PLXNA1: variants seen among roughly 807,000 people sequenced by gnomAD.
The protein encoded by PLXNA1 is plexin-A1.
In PLXNA1, 77 loss-of-function variants were observed where a neutral mutation model predicts 191.7. The observed-to-expected ratio is 0.40, with a 90% CI of 0.33 to 0.49. The LOEUF is 0.49. PLXNA1 is among the 20% of genes least tolerant of loss of function. The pLI is 0.63. For missense variants in PLXNA1, 2,110 were observed against 2,660.2 expected (o/e 0.79, Z 4.55); for synonymous variants, 1,137 against 1,156.4 (o/e 0.98, Z 0.34).
In PLXNA1 at chr3:127,014,509, G is replaced by T; in HGVS notation, c.2636G>T (p.Gly879Val). 6.2e-7 allele frequency: 1 copy of T among 1,606,838 alleles called. No individual in the cohort carries two copies. Among genetic ancestry groups the T allele is most frequent in the Non-Finnish European group, 8.5e-7 (1 of 1,179,756 alleles). The change falls in exon 13 of 32, where the codon GGC becomes GTC. Residue 879 changes from glycine (G) to valine (V), a missense_variant. Physicochemically the swap from Gly to Val is moderately radical, Grantham distance 109 (BLOSUM62 -3). Coordinates refer to ENST00000393409, the MANE Select transcript of PLXNA1 (RefSeq NM_032242.4). Reference sequence around the variant, plus strand: ...CCCGAGACGGGCCCGAGGCAGGGCGGCACGCGGCTCACTATCACAGGCGAG... The same window carrying T: ...CCCGAGACGGGCCCGAGGCAGGGCGTCACGCGGCTCACTATCACAGGCGAG... ...LSPETGPRQGGTRLTITGENL... is the reference protein window; with the variant it reads ...LSPETGPRQGVTRLTITGENL...
At chr3:127,009,505 G>A (rs191749295) in intron 9 of PLXNA1, among the ~76,000 whole-genome samples, 3,962 of 151,978 alleles carry the variant, frequency 0.026, 80 homozygotes, top group Middle Eastern at 0.041. Flanking sequence ...CCTAAGGGGT[G>A]TGACGTGAGT....
Position 127,001,275 on chromosome 3 carries a change from G to A in PLXNA1, c.1378-2055G>A, listed in dbSNP as rs114026533. Among the ~76,000 whole-genome samples, 120 of 152,336 alleles carry A rather than the reference G, an allele frequency of 7.9e-4. 1 individual carries two copies. Among genetic ancestry groups the A allele is most frequent in the African/African-American group, 2.7e-3 (114 of 41,582 alleles). On this transcript the variant is annotated intron_variant, in intron 3 of 31. Transcript: ENST00000393409. Reference sequence around the variant, plus strand: ...ACATTTGTGCCCCCAACCCTGAGTGGGTGGATGCCTTGCAGGCCGGGCCAG... The same window carrying A: ...ACATTTGTGCCCCCAACCCTGAGTGAGTGGATGCCTTGCAGGCCGGGCCAG...
At chr3:127,013,907 G>A in intron 10 of PLXNA1, 113 bp from the exon 11 acceptor site, 2 of 883,866 alleles carry the variant, frequency 2.3e-6, no homozygotes, top group South Asian at 2.7e-5. Flanking sequence ...GGGAGCGGTT[G>A]TGGCTGCAGA....
rs1480345383 is a variant in PLXNA1, at chr3:126,988,718, G to A, written c.125G>A (p.Arg42His). ...GGCGGGGGTTCACAGCCCCCCTTCC[G>A]CACCTTCTCGGCCAGCGACTGGGGC... ...RAGGGSQPPFRTFSASDWGLT... is the reference protein window; with the variant it reads ...RAGGGSQPPFHTFSASDWGLT... The change falls in exon 2 of 32, where the codon CGC becomes CAC. Residue 42 changes from arginine to histidine, a missense_variant. Physicochemically the swap from Arg to His is conservative, Grantham distance 29. Around this residue, in one of 4 missense-constraint regions of PLXNA1, gnomAD observed 903 missense variants for 1,015.7 expected, o/e 0.89. Coordinates refer to ENST00000393409, the MANE Select transcript of PLXNA1 (RefSeq NM_032242.4). 5.7e-6 allele frequency: 9 copies of A among 1,576,742 alleles called. No homozygotes were observed. Among genetic ancestry groups the A allele is most frequent in the South Asian group, 1.2e-5 (1 of 84,164 alleles).
intron 1 of PLXNA1, among the ~76,000 whole-genome samples, chr3:126,983,678 C>T (rs1391814811): frequency 2.6e-5 from 4 of 151,044 alleles, no homozygotes; most frequent in African/African-American, 9.7e-5. Flanking sequence ...GGGCGCTGCC[C>T]CTCCACGGAG....
intron 23 of PLXNA1, chr3:127,027,436 TG>T: frequency 2.8e-6 from 1 of 358,868 alleles, no homozygotes; most frequent in South Asian, 2.1e-5. Flanking sequence ...GGGGCCCAGC[TG>T]GGTGGTCCCT....
At position 127,036,062 on chromosome 3, in the gene PLXNA1, T is replaced by G. The variant is rs1257750714; in HGVS notation, c.*2045T>G. Reference sequence around the variant, plus strand: ...GTCCATATTACAGTGGCTGGGCTGTTTTTTTCAGTAGCCCCTAGCATTGGC... The same window carrying G: ...GTCCATATTACAGTGGCTGGGCTGTGTTTTTCAGTAGCCCCTAGCATTGGC... On this transcript the variant is annotated 3_prime_UTR_variant, in exon 32 of 32. Transcript: ENST00000393409. The G allele has an allele frequency of 6.5e-6, 1 of 152,680 alleles. No homozygotes were observed. The highest frequency in any genetic ancestry group is 2.4e-5 in the African/African-American group (1 of 41,436). 9.5% of individuals were successfully genotyped at this position (152,680 alleles called of 1,614,324 possible).
At chr3:127,033,411 G>C (rs2079222709) in intron 31 of PLXNA1, among the ~76,000 whole-genome samples, 1 of 152,224 alleles carries the variant, frequency 6.6e-6, no homozygotes, top group Non-Finnish European at 1.5e-5. Flanking sequence ...CCACCCTGGG[G>C]AGGCCAGGGC....
chr3:126,994,174 C>G (rs1247960746), intron 3 of PLXNA1, among the ~76,000 whole-genome samples: 2 of 152,122 alleles, frequency 1.3e-5, no homozygotes, highest in Non-Finnish European at 2.9e-5. Context: ...GCTGGCTCTT[C>G]CCTCCCTTTC....
At chr3:127,002,980 C>A (rs1002786592) in intron 3 of PLXNA1, among the ~76,000 whole-genome samples, 6 of 152,190 alleles carry the variant, frequency 3.9e-5, no homozygotes, top group Admixed American at 2.0e-4. Flanking sequence ...GCTAGGCACC[C>A]GTGGGACTCC....
intron 1 of PLXNA1, among the ~76,000 whole-genome samples, chr3:126,985,418 C>T (rs1296272338): frequency 6.6e-6 from 1 of 152,114 alleles, no homozygotes; most frequent in African/African-American, 2.4e-5. Context: ...CTGGCCATGC[C>T]GGAGAGCCAC....
chr3:126,991,590 G>A (rs1421289130), intron 3 of PLXNA1, 24 bp downstream of exon 3: 16 of 1,540,108 alleles, frequency 1.0e-5, no homozygotes, highest in Admixed American at 1.8e-5. Context: ...GGGGTGGGGT[G>A]AGGAGGGGGC....
chr3:126,995,992 G>GC (rs1388997958), intron 3 of PLXNA1, among the ~76,000 whole-genome samples: 2 of 152,154 alleles, frequency 1.3e-5, no homozygotes, highest in Non-Finnish European at 2.9e-5. Context: ...GGCCTGGCTG[G>GC]CCCCTGTCCC....
At chr3:127,013,018 A>T (rs1379981685) in intron 10 of PLXNA1, among the ~76,000 whole-genome samples, 1 of 152,168 alleles carries the variant, frequency 6.6e-6, no homozygotes, top group Non-Finnish European at 1.5e-5. Flanking sequence ...GAGGGCCTTG[A>T]TGGGGTCAGA....
intron 1 of PLXNA1, among the ~76,000 whole-genome samples, chr3:126,986,576 C>T (rs570806170): frequency 9.2e-5 from 14 of 152,202 alleles, no homozygotes; most frequent in East Asian, 5.8e-4. Context: ...CGCTCACTCA[C>T]GGGGATTTAT....
intron 25 of PLXNA1, chr3:127,028,757 C>A (rs1308396334): frequency 5.2e-6 from 3 of 572,446 alleles, no homozygotes; most frequent in Non-Finnish European, 9.3e-6. Context: ...GGCCCTAAGG[C>A]TTGCGGAAGG....
At chr3:127,028,814 G>C (rs781004707) in intron 25 of PLXNA1, 179 bp from the exon 26 acceptor site, 2 of 599,300 alleles carry the variant, frequency 3.3e-6, no homozygotes, top group Admixed American at 3.0e-5. Flanking sequence ...GATTGGGAGG[G>C]CTGTGGCACA....
In PLXNA1 at chr3:127,017,006, G is replaced by A; in HGVS notation, c.3245G>A (p.Arg1082Gln). 1.2e-6 allele frequency: 2 copies of A among 1,613,488 alleles called. No individual in the cohort carries two copies. The highest frequency in any genetic ancestry group is 2.2e-5 in the East Asian group (1 of 44,884). Reference protein sequence around the residue: ...NLATVREPRIRAKYGGIEREN... With the variant: ...NLATVREPRIQAKYGGIEREN... ...GCCACTGTCCGTGAACCCCGAATCC[G>A]GGCCAAGTATGGAGGCATTGAGAGG... Residue 1082 changes from arginine to glutamine, a missense_variant, in exon 17 of 32, where the codon CGG (arginine) becomes CAG (glutamine). Transcript: ENST00000393409.
At chr3:127,013,316 C>T (rs9870165) in intron 10 of PLXNA1, among the ~76,000 whole-genome samples, 1 of 151,668 alleles carries the variant, frequency 6.6e-6, no homozygotes, top group Non-Finnish European at 1.5e-5. Context: ...TAAAGGGAAG[C>T]GGGAGTATCG....
Sources: gnomAD v4.1 joint callset for allele counts (sites outside exome capture counted in the v4.1 genomes callset) on GRCh38, gnomAD v4.1.1 for gene constraint, gnomAD v4.1.1 regional missense constraint, MANE v1.5 for transcripts, NCBI Gene and HGNC (gene_info 2026-07-23, HGNC 2026-07-21) for gene names.